Variants in RSRC1 observed in about 807,000 individuals in gnomAD.
RSRC1 encodes the protein serine/Arginine-related protein 53.
RSRC1 carries 39 observed loss-of-function variants against 49.1 expected under a neutral mutation model. The observed-to-expected ratio is 0.79, with a 90% CI of 0.61 to 1.04. The LOEUF (loss-of-function observed/expected upper bound fraction) is 1.04. RSRC1 is among the 50% of genes least tolerant of loss of function. RSRC1 has a pLI of 0.00. For synonymous variants in RSRC1, 143 were observed against 130.8 expected, an observed-to-expected ratio of 1.09 and a Z score of -0.63; for missense variants, 388 against 402.4, an observed-to-expected ratio of 0.96 and a Z score of 0.31.
intron 6 of RSRC1, among the ~76,000 whole-genome samples, chr3:158,453,764 T>C (rs1175858512): frequency 1.3e-5 from 2 of 152,128 alleles, no homozygotes; most frequent in African/African-American, 4.8e-5. Context: ...CTAGATTTTC[T>C]AATGTATGGC....
chr3:158,452,751 G>T (rs961731508), intron 6 of RSRC1, among the ~76,000 whole-genome samples: 1 of 152,118 alleles, frequency 6.6e-6, no homozygotes, highest in Non-Finnish European at 1.5e-5. Flanking sequence ...AGAGCATCAC[G>T]AAACTTCTTC....
intron 4 of RSRC1, among the ~76,000 whole-genome samples, chr3:158,263,397 C>T (rs373561465): frequency 4.5e-4 from 68 of 152,086 alleles, no homozygotes; most frequent in African/African-American, 1.6e-3. Context: ...ATATATTATT[C>T]TCTTTATATA....
At chr3:158,336,186 A>G (rs553751270) in intron 5 of RSRC1, among the ~76,000 whole-genome samples, 2 of 152,378 alleles carry the variant, frequency 1.3e-5, no homozygotes, top group East Asian at 1.9e-4. Context: ...GGGCACTGCA[A>G]GTCAGCTGGG....
intron 7 of RSRC1, among the ~76,000 whole-genome samples, chr3:158,531,074 T>C (rs959952770): frequency 2.7e-5 from 4 of 150,254 alleles, no homozygotes; most frequent in Admixed American, 6.7e-5. Context: ...ATTCAACAAA[T>C]GTTTATTGAC....
intron 6 of RSRC1, among the ~76,000 whole-genome samples, chr3:158,439,358 T>C (rs531097942): frequency 7.2e-5 from 11 of 152,244 alleles, no homozygotes; most frequent in Non-Finnish European, 1.5e-4. Flanking sequence ...TAAAGACACA[T>C]GCACACATGT....
intron 6 of RSRC1, among the ~76,000 whole-genome samples, chr3:158,403,643 T>A (rs1368650322): frequency 1.3e-5 from 2 of 151,834 alleles, no homozygotes; most frequent in African/African-American, 4.8e-5. Context: ...GATTGACACC[T>A]TTTAAAACTT....
At chr3:158,221,851 T>C (rs1434760812) in intron 4 of RSRC1, among the ~76,000 whole-genome samples, 1 of 151,552 alleles carries the variant, frequency 6.6e-6, no homozygotes, top group Non-Finnish European at 1.5e-5. Flanking sequence ...TTAAAAGAGG[T>C]ATTTATTATA....
At chr3:158,115,143 A>G (rs531266812) in intron 1 of RSRC1, among the ~76,000 whole-genome samples, 1 of 152,156 alleles carries the variant, frequency 6.6e-6, no homozygotes, top group Non-Finnish European at 1.5e-5. Flanking sequence ...TTTGTTGTAA[A>G]TGGCTCTTGT....
chr3:158,127,449 G>A (rs1385407370), intron 3 of RSRC1, among the ~76,000 whole-genome samples: 1 of 151,626 alleles, frequency 6.6e-6, no homozygotes, highest in Non-Finnish European at 1.5e-5. Context: ...CTGCTTGACT[G>A]CGTTTGCTAC....
At chr3:158,289,120 A>T (rs1447498706) in intron 4 of RSRC1, among the ~76,000 whole-genome samples, 1 of 152,000 alleles carries the variant, frequency 6.6e-6, no homozygotes, top group Non-Finnish European at 1.5e-5. Flanking sequence ...TTCTGCTATA[A>T]TTTCTCTTAT....
chr3:158,527,067 A>G (rs1029702591), intron 7 of RSRC1, among the ~76,000 whole-genome samples: 3 of 147,302 alleles, frequency 2.0e-5, no homozygotes, highest in Non-Finnish European at 4.5e-5. Flanking sequence ...AGAAGTTAAT[A>G]GTTCAAAATC....
At chr3:158,176,743 C>A (rs1251699237) in intron 3 of RSRC1, among the ~76,000 whole-genome samples, 1 of 152,152 alleles carries the variant, frequency 6.6e-6, no homozygotes, top group Non-Finnish European at 1.5e-5. Flanking sequence ...TGGGCAAAGA[C>A]TTCATGACTA....
intron 3 of RSRC1, among the ~76,000 whole-genome samples, chr3:158,160,642 T>A (rs1718161995): frequency 6.6e-6 from 1 of 152,170 alleles, no homozygotes; most frequent in South Asian, 2.1e-4. Context: ...TAAAACTACT[T>A]TAATGGGTGT....
chr3:158,376,499 CTG>C (rs1166186805), intron 6 of RSRC1, among the ~76,000 whole-genome samples: 4 of 151,968 alleles, frequency 2.6e-5, no homozygotes, highest in African/African-American at 9.7e-5. Flanking sequence ...GTTCTGCAAA[CTG>C]TGGGCATCTT....
intron 1 of RSRC1, among the ~76,000 whole-genome samples, chr3:158,121,323 A>G (rs1051715004): frequency 6.6e-6 from 1 of 152,058 alleles, no homozygotes; most frequent in African/African-American, 2.4e-5. Context: ...TTTGTGTGTA[A>G]TATACACATA....
chr3:158,125,935 C>T (rs932031712), intron 3 of RSRC1, among the ~76,000 whole-genome samples: 10 of 151,904 alleles, frequency 6.6e-5, no homozygotes, highest in African/African-American at 2.4e-4. Context: ...GAATAATGAC[C>T]CATTTATCAT....
chr3:158,390,515 A>G (rs1733220995), intron 6 of RSRC1, among the ~76,000 whole-genome samples: 2 of 152,206 alleles, frequency 1.3e-5, no homozygotes, highest in African/African-American at 4.8e-5. Flanking sequence ...TAATGATAGT[A>G]TTAATAAGTA....
At chr3:158,245,902 G>T (rs1464989901) in intron 4 of RSRC1, among the ~76,000 whole-genome samples, 1 of 152,086 alleles carries the variant, frequency 6.6e-6, no homozygotes, top group African/African-American at 2.4e-5. Flanking sequence ...TTTTCCATTT[G>T]CTTGGTAAAT....
At chr3:158,187,200 A>G (rs1022663999) in intron 3 of RSRC1, among the ~76,000 whole-genome samples, 1 of 151,976 alleles carries the variant, frequency 6.6e-6, no homozygotes, top group Non-Finnish European at 1.5e-5. Flanking sequence ...ACACCAAAGG[A>G]GATGATTACA....
Sources: allele counts gnomAD v4.1 joint callset (sites outside exome capture counted in the v4.1 genomes callset), GRCh38; gene constraint gnomAD v4.1.1; transcripts MANE v1.5; gene names NCBI Gene and HGNC (gene_info 2026-07-23, HGNC 2026-07-21).